TRAK1: variants seen among roughly 807,000 people sequenced by gnomAD.
The protein encoded by TRAK1 is trafficking kinesin protein 1.
In TRAK1, 33 loss-of-function variants were observed where a neutral mutation model predicts 92.1. The observed-to-expected ratio is 0.36, with a 90% CI of 0.27 to 0.48. The LOEUF is 0.48. Among genes scored for constraint, TRAK1 ranks in the 20% least tolerant of loss-of-function variants. The probability of loss-of-function intolerance (pLI) is 0.99; values close to 1 mark genes in which losing one functional copy is unlikely to be tolerated. For synonymous variants in TRAK1, 521 were observed against 517.3 expected (o/e 1.01, Z -0.10); for missense variants, 1,123 against 1,257.9 (o/e 0.89, Z 1.62).
intron 1 of TRAK1, among the ~76,000 whole-genome samples, chr3:42,111,295 T>G (rs1432250547): frequency 6.6e-6 from 1 of 152,188 alleles, no homozygotes; most frequent in African/African-American, 2.4e-5. Context: ...ACTCATAGTT[T>G]AGCTTTGAAA....
intron 2 of TRAK1, among the ~76,000 whole-genome samples, chr3:42,173,887 C>T (rs1450568724): frequency 2.6e-5 from 4 of 152,108 alleles, no homozygotes; most frequent in Non-Finnish European, 4.4e-5. Flanking sequence ...CTACCTCTAC[C>T]GAGAGTCTGT....
intron 1 of TRAK1, among the ~76,000 whole-genome samples, chr3:42,115,155 C>A (rs1326114202): frequency 1.3e-5 from 2 of 152,210 alleles, no homozygotes; most frequent in Non-Finnish European, 2.9e-5. Flanking sequence ...CTGGGCTGAA[C>A]TTATACACGT....
intron 1 of TRAK1, among the ~76,000 whole-genome samples, chr3:42,066,035 T>G (rs908634903): frequency 6.6e-6 from 1 of 152,166 alleles, no homozygotes; most frequent in African/African-American, 2.4e-5. Flanking sequence ...CTATTAAAGT[T>G]TTAGTTGAGG....
At chr3:42,089,153 C>T (rs983411456), upstream of TRAK1, among the ~76,000 whole-genome samples, 4 of 152,304 alleles carry the variant, frequency 2.6e-5, no homozygotes, top group African/African-American at 9.6e-5. Flanking sequence ...TTTCATTATT[C>T]TAGTTGCTCA....
chr3:42,045,105 A>G (rs183910665), intron 1 of TRAK1, among the ~76,000 whole-genome samples: 1 of 152,292 alleles, frequency 6.6e-6, no homozygotes, highest in African/African-American at 2.4e-5. Flanking sequence ...TTACTTCTCT[A>G]CAAACATGTA....
At chr3:42,176,636 G>A (rs1271110292) in intron 2 of TRAK1, among the ~76,000 whole-genome samples, 178 bp from the exon 3 acceptor site, 1 of 152,208 alleles carries the variant, frequency 6.6e-6, no homozygotes, top group African/African-American at 2.4e-5. Context: ...TCCTCCAGTC[G>A]TTGGAACTGG....
At chr3:42,139,540 A>G (rs936800076) in intron 2 of TRAK1, among the ~76,000 whole-genome samples, 1 of 152,128 alleles carries the variant, frequency 6.6e-6, no homozygotes, top group African/African-American at 2.4e-5. Context: ...AGCCTTTCAC[A>G]GTGTCTAGTG....
intron 4 of TRAK1, 140 bp from the exon 5 acceptor site, chr3:42,187,905 A>G (rs957611141): frequency 1.4e-6 from 1 of 722,382 alleles, no homozygotes; most frequent in Non-Finnish European, 2.4e-6. Context: ...GAATAGCACA[A>G]AATCAGTTTA....
At chr3:42,089,312 T>A (rs1481546400), upstream of TRAK1, among the ~76,000 whole-genome samples, 1 of 152,220 alleles carries the variant, frequency 6.6e-6, no homozygotes, top group Non-Finnish European at 1.5e-5. Context: ...CACACCTGGA[T>A]GACCGCACTG....
intron 1 of TRAK1, among the ~76,000 whole-genome samples, chr3:42,016,825 C>T (rs1434162351): frequency 6.6e-6 from 1 of 152,212 alleles, no homozygotes; most frequent in Non-Finnish European, 1.5e-5. Flanking sequence ...GTCATTTAAA[C>T]TCACTGAGAG....
At chr3:42,092,907 C>T (rs6779001) in intron 1 of TRAK1, among the ~76,000 whole-genome samples, 4,143 of 152,178 alleles carry the variant, frequency 0.027, 217 homozygotes, top group African/African-American at 0.095. Context: ...CCTTTTCTAT[C>T]ACTGATTTAA....
intron 1 of TRAK1, among the ~76,000 whole-genome samples, chr3:42,017,473 G>A (rs747593182): frequency 4.6e-5 from 7 of 152,302 alleles, no homozygotes; most frequent in Middle Eastern, 3.4e-3. Flanking sequence ...GAATGAATGG[G>A]TCTTCTGGCT....
chr3:42,176,669 A>G, intron 2 of TRAK1, 145 bp from the exon 3 acceptor site: 1 of 704,782 alleles, frequency 1.4e-6, no homozygotes, highest in Non-Finnish European at 2.6e-6. Flanking sequence ...GGTGGTGGTG[A>G]GTACATTGCG....
At position 42,219,801 on chromosome 3, in the gene TRAK1, T is replaced by TG. The variant is rs1330228901; in HGVS notation, c.2066+205_2066+206insG. 1.3e-4 allele frequency among the ~76,000 whole-genome samples: 18 copies of TG among 141,818 alleles called. No individual in the cohort carries two copies. The East Asian group carries it at 3.3e-3, about 26-fold the overall frequency. The allele number at this position is 141,818 out of a possible 152,430, so 93.0% of individuals were successfully genotyped here. The stretch of plus-strand genomic sequence containing the variant: ...GTTGTTATGTGTTTTTTTTTTTTTT[T>TG]TTTTTTTTTTTTGAGGCAGAGTTTT... On this transcript the variant is annotated intron_variant, in intron 15 of 15. Coordinates refer to ENST00000327628, the MANE Select transcript of TRAK1 (RefSeq NM_001042646.3).
chr3:42,038,802 A>AATTT (rs1559714995), intron 1 of TRAK1, among the ~76,000 whole-genome samples: 1 of 105,920 alleles, frequency 9.4e-6, no homozygotes, highest in African/African-American at 5.1e-5. Flanking sequence ...AAAAAAAAAA[A>AATTT]GTTTTTTTTT....
chr3:42,190,146 G>T (rs4682998), intron 6 of TRAK1, among the ~76,000 whole-genome samples: 5 of 152,102 alleles, frequency 3.3e-5, no homozygotes, highest in Admixed American at 6.5e-5. Flanking sequence ...AACACCGATA[G>T]GTGCAAATTT....
intron 2 of TRAK1, among the ~76,000 whole-genome samples, chr3:42,140,936 GA>G (rs1698571569): frequency 6.6e-6 from 1 of 152,192 alleles, no homozygotes; most frequent in Non-Finnish European, 1.5e-5. Context: ...CAGTAAGGTG[GA>G]GCACTGGGGA....
At chr3:42,085,137 TA>T (rs1281170309), upstream of TRAK1, among the ~76,000 whole-genome samples, 14 of 152,232 alleles carry the variant, frequency 9.2e-5, no homozygotes, top group Non-Finnish European at 1.8e-4. Context: ...TTGGTAAGTA[TA>T]AGGCAAATAT....
intron 1 of TRAK1, among the ~76,000 whole-genome samples, chr3:42,064,152 A>T (rs1703572696): frequency 6.6e-6 from 1 of 152,164 alleles, no homozygotes; most frequent in African/African-American, 2.4e-5. Context: ...GGTGGTAATG[A>T]TACATCACAA....
Sources: gnomAD v4.1 joint callset for allele counts (sites outside exome capture counted in the v4.1 genomes callset) on GRCh38, gnomAD v4.1.1 for gene constraint, MANE v1.5 for transcripts, NCBI Gene and HGNC (gene_info 2026-07-23, HGNC 2026-07-21) for gene names.